Variants in GNAL observed in about 807,000 individuals in gnomAD.
GNAL encodes G protein subunit alpha L, also known as guanine nucleotide-binding protein G(olf) subunit alpha.
Under a neutral mutation model 55.1 loss-of-function variants are expected in GNAL, and 18 were observed. The ratio of observed to expected loss-of-function variants is 0.33; its 90% confidence interval spans 0.23 to 0.48. GNAL has a LOEUF of 0.48. Ranked by LOEUF, GNAL falls within the 20% of genes least tolerant of loss-of-function variation. The probability of loss-of-function intolerance (pLI) is 0.99; values close to 1 mark genes in which losing one functional copy is unlikely to be tolerated. For synonymous variants in GNAL, 253 were observed against 237.0 expected (o/e 1.07, Z -0.62); for missense variants, 412 against 614.1 (o/e 0.67, Z 3.48).
intron 1 of GNAL, among the ~76,000 whole-genome samples, chr18:11,704,654 T>C (rs2031661504): frequency 6.6e-6 from 1 of 152,238 alleles, no homozygotes; most frequent in Non-Finnish European, 1.5e-5. Context: ...CTTACATTTT[T>C]GTCTCCTTTC....
intron 4 of GNAL, among the ~76,000 whole-genome samples, chr18:11,765,188 CA>C: frequency 6.6e-6 from 1 of 152,136 alleles, no homozygotes; most frequent in East Asian, 1.9e-4. Flanking sequence ...GGGCTTGAGC[CA>C]CATGACCATT....
rs1355529202 is a variant in GNAL, at chr18:11,749,033, T to G, written c.377-3820T>G. ...CCCAGCTACTCGGGAGGCTGAGGCA[T>G]GAGAAGCCCCTGAAGCTGGGAGGCA... On this transcript the variant is annotated intron_variant, in intron 1 of 11. Transcript: ENST00000334049. Among the ~76,000 whole-genome samples the G allele has an allele frequency of 4.1e-5, 6 of 147,078 alleles. No individual in the cohort carries two copies. The East Asian group carries it at 1.2e-3, about 29-fold the overall frequency.
rs2032836651 is a variant in GNAL, at chr18:11,751,709, A to G, written c.377-1144A>G. ...CCGGAACCCAGGCCGGTCAGCGTGT[A>G]AGCGCCCCAGCCGGCCGGGCTCCGT... On this transcript the variant is annotated intron_variant, in intron 1 of 11. Coordinates refer to ENST00000334049, the MANE Select transcript of GNAL (RefSeq NM_182978.4). This position sits in a 1 kb window ranked among gnomAD's most constrained non-coding sequence, Gnocchi z 4.5. 1 of 972,920 alleles carries G rather than the reference A, an allele frequency of 1.0e-6. No homozygotes were observed. Among genetic ancestry groups the G allele is most frequent in the Non-Finnish European group, 1.2e-6 (1 of 818,622 alleles). The allele number at this position is 972,920 out of a possible 1,614,324, so 60.3% of individuals were successfully genotyped here.
chr18:11,796,048 C>T (rs1015791395), intron 4 of GNAL, among the ~76,000 whole-genome samples: 2 of 152,224 alleles, frequency 1.3e-5, no homozygotes, highest in Middle Eastern at 3.4e-3. Context: ...AGTATTCGCC[C>T]GGAAGGAGAA....
chr18:11,731,012 A>T (rs1270726322), intron 1 of GNAL, among the ~76,000 whole-genome samples: 1 of 152,236 alleles, frequency 6.6e-6, no homozygotes. Flanking sequence ...TCTTATTGCC[A>T]CACAGAATCT....
In GNAL at chr18:11,872,258, C is replaced by G; in HGVS notation, c.1032-10C>G. 1 of 1,559,732 alleles carries G rather than the reference C, an allele frequency of 6.4e-7. No homozygotes were observed. The highest frequency in any genetic ancestry group is 8.7e-7 in the Non-Finnish European group (1 of 1,154,534). Reference sequence around the variant, plus strand: ...ATGTGAAATTTGTATGTTTATTTTTCCTTTTTTAGGTGGTTACGGACCATT... The same window carrying G: ...ATGTGAAATTTGTATGTTTATTTTTGCTTTTTTAGGTGGTTACGGACCATT... On this transcript the variant is annotated splice_polypyrimidine_tract_variant and intron_variant, in intron 9 of 11. Transcript: ENST00000334049.
At chr18:11,787,202 C>T (rs960080515) in intron 4 of GNAL, among the ~76,000 whole-genome samples, 17 of 152,174 alleles carry the variant, frequency 1.1e-4, no homozygotes, top group African/African-American at 3.9e-4. Flanking sequence ...TAAAATGTCT[C>T]TACTTCCCCA....
At chr18:11,724,692 G>A (rs141261503) in intron 1 of GNAL, among the ~76,000 whole-genome samples, 8 of 152,062 alleles carry the variant, frequency 5.3e-5, no homozygotes, top group African/African-American at 4.8e-5. Context: ...GCCCAGTCAC[G>A]ACTAGCCACT....
At chr18:11,691,785 C>T (rs1373355232) in intron 1 of GNAL, among the ~76,000 whole-genome samples, 1 of 152,162 alleles carries the variant, frequency 6.6e-6, no homozygotes, top group African/African-American at 2.4e-5. Flanking sequence ...GGAAGCTCAA[C>T]CCCAGCTCTG....
At chr18:11,875,111 C>T (rs1228709971) in intron 10 of GNAL, among the ~76,000 whole-genome samples, 4 of 152,158 alleles carry the variant, frequency 2.6e-5, no homozygotes, top group Non-Finnish European at 1.5e-5. Flanking sequence ...CTGGGTGCTC[C>T]GCATGCCTGA....
At chr18:11,844,935 G>A (rs1474451691) in intron 5 of GNAL, among the ~76,000 whole-genome samples, 1 of 151,952 alleles carries the variant, frequency 6.6e-6, no homozygotes. Context: ...ATGTGATCTT[G>A]GCTCACTGCA....
intron 1 of GNAL, among the ~76,000 whole-genome samples, chr18:11,730,021 T>TTTTTC (rs960669560): frequency 1.1e-4 from 16 of 151,846 alleles, no homozygotes; most frequent in South Asian, 4.1e-4. Context: ...AAGAGTTAAG[T>TTTTTC]TTTTCTTTTC....
At position 11,803,702 on chromosome 18, in the gene GNAL, G is replaced by A. The variant is rs188638126; in HGVS notation, c.625-21216G>A. ...ATGGAACACGGAGATATTGTGTAGC[G>A]GTGAAATACAGGTGCAGTTTGGATG... On this transcript the variant is annotated intron_variant, in intron 4 of 11. Transcript: ENST00000334049. Among the ~76,000 whole-genome samples the A allele has an allele frequency of 3.3e-5, 4 of 121,240 alleles. 1 individual carries two copies. The highest frequency in any genetic ancestry group is 6.7e-5 in the African/African-American group (2 of 29,818). 79.5% of individuals were successfully genotyped at this position (121,240 alleles called of 152,430 possible).
At chr18:11,697,393 C>G (rs2031444893) in intron 1 of GNAL, among the ~76,000 whole-genome samples, 1 of 151,986 alleles carries the variant, frequency 6.6e-6, no homozygotes. Flanking sequence ...CAAAAATTAG[C>G]TGGTTACCAG....
At chr18:11,757,628 C>T (rs6505672) in intron 4 of GNAL, among the ~76,000 whole-genome samples, 1 of 152,000 alleles carries the variant, frequency 6.6e-6, no homozygotes, top group African/African-American at 2.4e-5. Context: ...TGACTCTGAG[C>T]GTTTGGGTCT....
At chr18:11,793,287 A>G (rs2034286469) in intron 4 of GNAL, among the ~76,000 whole-genome samples, 1 of 152,218 alleles carries the variant, frequency 6.6e-6, no homozygotes, top group African/African-American at 2.4e-5. Flanking sequence ...ATATATAAAG[A>G]ATTTTTGCTT....
rs1786563 is a variant in GNAL, at chr18:11,825,227, C to T, written c.722+212C>T. Among the ~76,000 whole-genome samples the T allele has an allele frequency of 0.74, 113,217 of 152,132 alleles. 43,359 individuals carry two copies. The highest frequency in any genetic ancestry group is 0.85 in the Admixed American group (12,976 of 15,298). On this transcript the variant is annotated intron_variant, in intron 5 of 11. Coordinates refer to ENST00000334049, the MANE Select transcript of GNAL (RefSeq NM_182978.4). ...AATGTTTCTGAGAACCAGAAAGTTTCGTTCATTTTGTCCTGATTGTTTTCA... is the reference window on the plus strand; with the variant it reads ...AATGTTTCTGAGAACCAGAAAGTTTTGTTCATTTTGTCCTGATTGTTTTCA...
At chr18:11,707,095 C>T (rs957914275) in intron 1 of GNAL, among the ~76,000 whole-genome samples, 1 of 152,158 alleles carries the variant, frequency 6.6e-6, no homozygotes, top group East Asian at 1.9e-4. Flanking sequence ...GCAGCCTCAA[C>T]CTCCCAGGCT....
intron 4 of GNAL, among the ~76,000 whole-genome samples, chr18:11,797,129 G>A (rs530225227): frequency 5.3e-5 from 8 of 152,136 alleles, no homozygotes; most frequent in Admixed American, 2.0e-4. Flanking sequence ...ACGGGTTTTC[G>A]CCATGTTGGC....
Sources: gnomAD v4.1 joint callset for allele counts (sites outside exome capture counted in the v4.1 genomes callset) on GRCh38, gnomAD v4.1.1 for gene constraint, Gnocchi (gnomAD v3.1) non-coding constraint, MANE v1.5 for transcripts, NCBI Gene and HGNC (gene_info 2026-07-23, HGNC 2026-07-21) for gene names.